The following DNAAF10 variants were observed in gnomAD, a reference collection of about 807,000 sequenced individuals.
The protein encoded by DNAAF10 is WD repeat domain 92.
Under a neutral mutation model 43.7 loss-of-function variants are expected in DNAAF10, and 28 were observed. That is an observed-to-expected ratio of 0.64 (90% CI 0.48 to 0.88). DNAAF10 has a LOEUF of 0.88. Ranked by LOEUF, DNAAF10 falls within the 40% of genes least tolerant of loss-of-function variation. The pLI, the probability that DNAAF10 is intolerant of heterozygous loss-of-function variation, is 0.00. For synonymous variants in DNAAF10, 156 were observed against 157.3 expected, an observed-to-expected ratio of 0.99 and a Z score of 0.06; for missense variants, 403 against 439.1, an observed-to-expected ratio of 0.92 and a Z score of 0.73.
chr2:68,147,689 A>G, intron 1 of DNAAF10, 122 bp from the exon 2 acceptor site: 1 of 610,894 alleles, frequency 1.6e-6, no homozygotes, highest in South Asian at 3.1e-5. Flanking sequence ...GGCAATTAAA[A>G]CATCTTCTGA....
rs13384623 is a variant in DNAAF10 at position 68,157,524 on chromosome 2, T to A, written c.-81A>T. The A allele has an allele frequency of 4.4e-3, 6,911 of 1,584,210 alleles. 251 individuals are homozygous for A. The African/African-American group carries it at 0.083, about 19-fold the overall frequency. ...AACCTGGAAACCAGACTCCAAACAT[T>A]GGCAATTTGTCCCTCCCGCTTTCCG... On this transcript the variant is annotated 5_prime_UTR_variant, in exon 1 of 8. Coordinates refer to ENST00000295121, the MANE Select transcript of DNAAF10 (RefSeq NM_138458.4).
chr2:68,131,470 G>A, intron 7 of DNAAF10, 25 bp from the exon 8 acceptor site: 1 of 1,608,408 alleles, frequency 6.2e-7, no homozygotes, highest in Non-Finnish European at 8.5e-7. Context: ...AAAATGGTAA[G>A]AGCGCATAAA....
intron 7 of DNAAF10, among the ~76,000 whole-genome samples, chr2:68,133,265 C>T (rs1672961498): frequency 6.6e-6 from 1 of 152,108 alleles, no homozygotes. Flanking sequence ...GTCTCTGTCG[C>T]TCTGTCTCAC....
chr2:68,155,946 T>A (rs1417228205), intron 1 of DNAAF10, among the ~76,000 whole-genome samples: 1 of 150,874 alleles, frequency 6.6e-6, no homozygotes, highest in Non-Finnish European at 1.5e-5. Context: ...AAATAAAAAA[T>A]AAAAAAATAA....
intron 7 of DNAAF10, among the ~76,000 whole-genome samples, chr2:68,133,109 A>G (rs1034902748): frequency 1.3e-5 from 2 of 152,204 alleles, no homozygotes; most frequent in East Asian, 1.9e-4. Flanking sequence ...GGGAAGAACA[A>G]CAGGCAGAGG....
At chr2:68,133,476 G>A (rs1672967732) in intron 7 of DNAAF10, among the ~76,000 whole-genome samples, 1 of 152,110 alleles carries the variant, frequency 6.6e-6, no homozygotes, top group Admixed American at 6.6e-5. Context: ...ACTCTGGCTG[G>A]GTGCAGTGGC....
chr2:68,157,450 G>T lies in DNAAF10; in HGVS notation c.-7C>A. 4.3e-6 allele frequency: 7 copies of T among 1,614,134 alleles called. No homozygotes were observed. The highest frequency in any genetic ancestry group is 5.9e-6 in the Non-Finnish European group (7 of 1,180,026). On this transcript the variant is annotated 5_prime_UTR_variant, in exon 1 of 8. The change creates a new upstream start codon in the 5' untranslated region. Coordinates refer to ENST00000295121, the MANE Select transcript of DNAAF10 (RefSeq NM_138458.4). ...GCTTCTCGAAGGCCGACATGGTGCA[G>T]CCAATTTCAGCTACGGCAACCGCCA...
intron 1 of DNAAF10, among the ~76,000 whole-genome samples, chr2:68,152,930 G>A (rs1673491094): frequency 6.6e-6 from 1 of 152,184 alleles, no homozygotes; most frequent in Non-Finnish European, 1.5e-5. Context: ...CTAACAAGCA[G>A]TAAATTCGGT....
At chr2:68,137,488 T>A in intron 5 of DNAAF10, 55 bp from the exon 6 acceptor site, 1 of 1,465,374 alleles carries the variant, frequency 6.8e-7, no homozygotes, top group Non-Finnish European at 9.1e-7. Flanking sequence ...CTCAGGAGGC[T>A]CTTTTATACT....
intron 3 of DNAAF10, among the ~76,000 whole-genome samples, chr2:68,143,989 T>C (rs1411483440): frequency 2.6e-5 from 4 of 152,216 alleles, no homozygotes; most frequent in African/African-American, 9.6e-5. Flanking sequence ...GCCAAATCAA[T>C]TATAATAGGT....
Position 68,140,128 on chromosome 2 carries a change from A to AT in DNAAF10, c.518-1272dup, listed in dbSNP as rs901375954. 2.0e-5 allele frequency among the ~76,000 whole-genome samples: 3 copies of AT among 152,196 alleles called. No individual in the cohort carries two copies. In the South Asian group the frequency reaches 6.2e-4, roughly 32 times the overall value. ...TCATCCTCCTGGAATTAATTCAAGG[A>AT]TTTTTTTCCAAGTATCTCTTGCTGA... On this transcript the variant is annotated intron_variant, in intron 4 of 7. Transcript: ENST00000295121.
chr2:68,150,749 T>TA (rs200028620), intron 1 of DNAAF10, among the ~76,000 whole-genome samples: 1 of 151,620 alleles, frequency 6.6e-6, no homozygotes, highest in Non-Finnish European at 1.5e-5. Context: ...TAAAATAAAA[T>TA]AAAAAAATAA....
chr2:68,135,538 A>G (rs1673021455), intron 6 of DNAAF10, among the ~76,000 whole-genome samples: 1 of 152,066 alleles, frequency 6.6e-6, no homozygotes, highest in Non-Finnish European at 1.5e-5. Flanking sequence ...GGAACTTAGG[A>G]GAGAGAGAGA....
chr2:68,138,928 T>A, intron 4 of DNAAF10, 71 bp from the exon 5 acceptor site: 1 of 1,072,462 alleles, frequency 9.3e-7, no homozygotes. Flanking sequence ...AAAAAAGTCT[T>A]ATGAAACTAA....
At chr2:68,150,712 G>A (rs776222138) in intron 1 of DNAAF10, among the ~76,000 whole-genome samples, 4 of 152,062 alleles carry the variant, frequency 2.6e-5, no homozygotes, top group Admixed American at 1.3e-4. Context: ...CAGCCTGGGC[G>A]ACAGAGAGAG....
At position 68,137,408 on chromosome 2, in the gene DNAAF10, T is replaced by A; in HGVS notation, c.659A>T (p.Lys220Ile). 1 of 1,612,554 alleles carries A rather than the reference T, an allele frequency of 6.2e-7. No individual in the cohort carries two copies. Among genetic ancestry groups the A allele is most frequent in the Non-Finnish European group, 8.5e-7 (1 of 1,179,276 alleles). Residue 220 changes from lysine (K) to isoleucine (I), a missense_variant, in exon 6 of 8, where the codon AAA becomes ATA. Transcript: ENST00000295121. Reference protein sequence around the residue: ...NGVCSLEFDRKDISMNKLVAT... With the variant: ...NGVCSLEFDRIDISMNKLVAT... ...TACTAACTTATTCATACTTATGTCTTTTCTGTCAAACTCCAAGCTACACAC... is the reference window on the plus strand; with the variant it reads ...TACTAACTTATTCATACTTATGTCTATTCTGTCAAACTCCAAGCTACACAC...
chr2:68,132,609 G>T (rs1392952892), intron 7 of DNAAF10, among the ~76,000 whole-genome samples: 1 of 152,114 alleles, frequency 6.6e-6, no homozygotes, highest in African/African-American at 2.4e-5. Context: ...AAAACAAGTC[G>T]TGAATAACTA....
intron 3 of DNAAF10, among the ~76,000 whole-genome samples, 200 bp from the exon 4 acceptor site, chr2:68,141,995 C>A (rs950963972): frequency 6.6e-6 from 1 of 152,154 alleles, no homozygotes; most frequent in Non-Finnish European, 1.5e-5. Context: ...AACTATCTGA[C>A]TTGGTTTCCA....
chr2:68,157,395 A>G lies in DNAAF10; in HGVS notation c.49T>C (p.Phe17Leu). Residue 17 changes from phenylalanine (F) to leucine (L), a missense_variant, in exon 1 of 8, where the codon TTC (phenylalanine) becomes CTC (leucine). Coordinates refer to ENST00000295121, the MANE Select transcript of DNAAF10 (RefSeq NM_138458.4). The stretch of plus-strand genomic sequence containing the variant: ...TTACAGTCAAACACCGTGTAGTTGA[A>G]GCCCTTCTGGATATGGGCGATGATC... ...PQIIAHIQKG[F>L]NYTVFDCKWV... 1 of 1,614,170 alleles carries G rather than the reference A, an allele frequency of 6.2e-7. No individual in the cohort carries two copies. The highest frequency in any genetic ancestry group is 2.2e-5 in the East Asian group (1 of 44,888).
Sources: allele counts gnomAD v4.1 joint callset (sites outside exome capture counted in the v4.1 genomes callset), GRCh38; gene constraint gnomAD v4.1.1; transcripts MANE v1.5; gene names NCBI Gene and HGNC (gene_info 2026-07-23, HGNC 2026-07-21).